DNAJC13: variants seen among roughly 807,000 people sequenced by gnomAD.
DNAJC13 encodes the protein dnaJ homolog subfamily C member 13.
Under a neutral mutation model 290.5 loss-of-function variants are expected in DNAJC13, and 75 were observed. The observed-to-expected ratio is 0.26, with a 90% CI of 0.21 to 0.31. The LOEUF is 0.31. Ranked by LOEUF, DNAJC13 falls within the 10% of genes least tolerant of loss-of-function variation. The pLI is 1.00. For missense variants in DNAJC13, 2,260 were observed against 2,674.5 expected, an observed-to-expected ratio of 0.85 and a Z score of 3.42; for synonymous variants, 862 against 892.0, an observed-to-expected ratio of 0.97 and a Z score of 0.60.
At chr3:132,483,666 T>G (rs1043235330) in intron 28 of DNAJC13, 89 bp downstream of exon 28, 34 of 1,316,514 alleles carry the variant, frequency 2.6e-5, no homozygotes, top group Admixed American at 3.5e-5. Flanking sequence ...AACAAAGATG[T>G]CCTATTTATG....
At chr3:132,469,338 A>G (rs1934106633) in intron 20 of DNAJC13, among the ~76,000 whole-genome samples, 1 of 152,224 alleles carries the variant, frequency 6.6e-6, no homozygotes, top group Non-Finnish European at 1.5e-5. Context: ...CATTTCTTAT[A>G]TAGTCAATGT....
intron 3 of DNAJC13, 45 bp from the exon 4 acceptor site, chr3:132,447,276 T>G: frequency 2.2e-6 from 3 of 1,383,486 alleles, no homozygotes; most frequent in Non-Finnish European, 2.8e-6. Context: ...GCATTACATT[T>G]TACTGTATTA....
intron 36 of DNAJC13, 27 bp downstream of exon 36, chr3:132,496,690 T>C: frequency 6.3e-7 from 1 of 1,580,238 alleles, no homozygotes; most frequent in South Asian, 1.2e-5. Flanking sequence ...CAGATTTTAA[T>C]TTATCCTCCA....
chr3:132,449,548 T>A (rs1444623118), intron 5 of DNAJC13, among the ~76,000 whole-genome samples: 3 of 152,150 alleles, frequency 2.0e-5, no homozygotes, highest in Non-Finnish European at 2.9e-5. Context: ...GCATAATTAC[T>A]TTTATGGAAC....
chr3:132,475,599 A>G, intron 22 of DNAJC13, among the ~76,000 whole-genome samples: 1 of 152,184 alleles, frequency 6.6e-6, no homozygotes, highest in East Asian at 1.9e-4. Context: ...TATACAATTT[A>G]AACTATTATA....
At chr3:132,454,872 C>G (rs1166342377) in intron 9 of DNAJC13, among the ~76,000 whole-genome samples, 1 of 152,030 alleles carries the variant, frequency 6.6e-6, no homozygotes, top group African/African-American at 2.4e-5. Flanking sequence ...TGTACGTTAT[C>G]TTGCTTTGTC....
rs115158539 is a variant in DNAJC13, at chr3:132,513,106, G to A, written c.5385+7G>A. ...GCAGCAGTTGGCTTTAGAGGTAAAA[G>A]CGTTTTGTACTAAAGCGTGTTGCCT... On this transcript the variant is annotated splice_region_variant and intron_variant, in intron 45 of 55. Transcript: ENST00000260818. 1,403 of 1,611,386 alleles carry A rather than the reference G, an allele frequency of 8.7e-4. 8 individuals are homozygous for A. In the African/African-American group the frequency reaches 0.015, roughly 17 times the overall value.
chr3:132,500,948 C>T lies in DNAJC13; in HGVS notation c.4536+35C>T, dbSNP rs374974156. The T allele has an allele frequency of 5.6e-6, 9 of 1,606,144 alleles. No homozygotes were observed. The African/African-American group carries it at 8.0e-5, about 14-fold the overall frequency. On this transcript the variant is annotated intron_variant, in intron 39 of 55. Coordinates refer to ENST00000260818, the MANE Select transcript of DNAJC13 (RefSeq NM_015268.4). ...ATCTTTAATGCTTTCTAGATACAGA[C>T]AGCAAAGTGTCTTTTTGTCAACTAG...
intron 2 of DNAJC13, among the ~76,000 whole-genome samples, chr3:132,437,368 T>C (rs992919532): frequency 6.6e-4 from 101 of 152,358 alleles, no homozygotes; most frequent in African/African-American, 2.4e-3. Context: ...ATTTATCAAT[T>C]GTTTCTTTTG....
At chr3:132,475,696 CT>C (rs1472882289) in intron 22 of DNAJC13, among the ~76,000 whole-genome samples, 2 of 152,076 alleles carry the variant, frequency 1.3e-5, no homozygotes, top group African/African-American at 4.8e-5. Flanking sequence ...TATGCTCATT[CT>C]TTTCTTAGCA....
chr3:132,530,956 G>A (rs770305298), intron 54 of DNAJC13, 42 bp from the exon 55 acceptor site: 6 of 1,565,588 alleles, frequency 3.8e-6, no homozygotes, highest in Non-Finnish European at 5.3e-6. Context: ...CCAACATCCA[G>A]TCCTTGATTT....
At chr3:132,494,337 T>C in intron 34 of DNAJC13, 78 bp downstream of exon 34, 2 of 1,107,196 alleles carry the variant, frequency 1.8e-6, no homozygotes. Context: ...TATATTTAAA[T>C]CAATCATTTT....
chr3:132,453,267 TCTGA>T (rs750479743), intron 6 of DNAJC13, 27 bp from the exon 7 acceptor site: 1 of 1,600,440 alleles, frequency 6.2e-7, no homozygotes, highest in East Asian at 2.2e-5. Context: ...TTGTTTCAAC[TCTGA>T]CTTTTTAAAT....
intron 1 of DNAJC13, among the ~76,000 whole-genome samples, chr3:132,433,823 A>G (rs1939301243): frequency 6.6e-6 from 1 of 152,258 alleles, no homozygotes; most frequent in East Asian, 1.9e-4. Flanking sequence ...CTGGTCCTCA[A>G]GAAACACAGT....
At chr3:132,514,903 C>T in intron 46 of DNAJC13, 1 of 148,548 alleles carries the variant, frequency 6.7e-6, no homozygotes, top group Non-Finnish European at 1.2e-5. Flanking sequence ...GGAAAATAAC[C>T]TGGGATTTTC....
rs137948208 is a variant in DNAJC13 at position 132,474,976 on chromosome 3, A to G, written c.2336A>G (p.Lys779Arg). 305 of 1,611,892 alleles carry G rather than the reference A, an allele frequency of 1.9e-4. 2 individuals are homozygous for G. The African/African-American group carries it at 3.5e-3, about 18-fold the overall frequency. ...HARSNLIWNFKTREELKDTLE... is the reference protein window; with the variant it reads ...HARSNLIWNFRTREELKDTLE... ...AGGTCAAACCTTATTTGGAATTTCA[A>G]AACACGAGAAGAACTGAAAGATACT... Residue 779 changes from lysine (K) to arginine (R), a missense_variant, in exon 22 of 56, where the codon AAA becomes AGA. Lys to Arg is a conservative substitution (Grantham distance 26, BLOSUM62 2). This residue lies in a region of DNAJC13 where 762 missense variants were observed against 964.1 expected (regional missense o/e 0.79). Transcript: ENST00000260818.
At chr3:132,529,682 G>T (rs1043679981) in intron 54 of DNAJC13, among the ~76,000 whole-genome samples, 2 of 151,796 alleles carry the variant, frequency 1.3e-5, no homozygotes, top group Non-Finnish European at 2.9e-5. Flanking sequence ...ATCTACTCGG[G>T]AGGCTGAGGC....
In DNAJC13 at chr3:132,516,436, C is replaced by G. The variant is rs144228844; in HGVS notation, c.5500C>G (p.Leu1834Val). The change falls in exon 47 of 56, where the codon CTG (leucine) becomes GTG (valine). Residue 1834 changes from leucine to valine, a missense_variant. By Grantham distance (32) the Leu-to-Val change is conservative. Transcript: ENST00000260818. ...HSLPSSRQLV[L>V]ETLYALTSST... ...TTACTCTGCAGGTCGTCAGCTTGTT[C>G]TGGAAACTCTTTATGCTTTGACATC... The G allele has an allele frequency of 4.0e-5, 64 of 1,613,642 alleles. No homozygotes were observed. The highest frequency in any genetic ancestry group is 5.1e-5 in the Non-Finnish European group (60 of 1,179,768).
chr3:132,428,892 G>A (rs530017778), intron 1 of DNAJC13, among the ~76,000 whole-genome samples: 4 of 150,278 alleles, frequency 2.7e-5, no homozygotes, highest in Admixed American at 1.3e-4. Context: ...TCTCCACCAC[G>A]CCTGGCTAAT....
Sources: allele counts gnomAD v4.1 joint callset (sites outside exome capture counted in the v4.1 genomes callset), GRCh38; gene constraint gnomAD v4.1.1; regional missense constraint gnomAD v4.1.1; transcripts MANE v1.5; gene names NCBI Gene and HGNC (gene_info 2026-07-23, HGNC 2026-07-21).